Variants in GLI1 observed in about 807,000 individuals in gnomAD.
GLI1 encodes GLI family zinc finger 1.
GLI1 carries 51 observed loss-of-function variants against 87.8 expected under a neutral mutation model. That is an observed-to-expected ratio of 0.58 (90% CI 0.46 to 0.73). The LOEUF is 0.73. Among genes scored for constraint, GLI1 ranks in the 30% least tolerant of loss-of-function variants. The pLI, the probability that GLI1 is intolerant of heterozygous loss-of-function variation, is 0.00. For synonymous variants in GLI1, 528 were observed against 558.2 expected, an observed-to-expected ratio of 0.95 and a Z score of 0.76; for missense variants, 1,292 against 1,437.2, an observed-to-expected ratio of 0.90 and a Z score of 1.63.
intron 9 of GLI1, 54 bp from the exon 10 acceptor site, chr12:57,467,940 T>G (rs901577833): frequency 1.5e-6 from 2 of 1,298,824 alleles, no homozygotes; most frequent in Non-Finnish European, 2.2e-6. Flanking sequence ...CCATTTCTTC[T>G]GCATTCTTCC....
chr12:57,465,145 C>CGGTG lies in GLI1; in HGVS notation c.424_425insGGTG (p.Gln142ArgfsTer2), dbSNP rs1281162936. The CGGTG allele has an allele frequency of 6.2e-7, 1 of 1,613,986 alleles. No homozygotes were observed. Among genetic ancestry groups the CGGTG allele is most frequent in the Admixed American group, 1.7e-5 (1 of 60,000 alleles). Reference sequence around the variant, plus strand: ...GGGATTCCCAGCCCAGATGAATCACCAAAAAGGGCCCTCGCCTTCCTTTGG... The same window carrying CGGTG: ...GGGATTCCCAGCCCAGATGAATCACCGGTGAAAAAGGGCCCTCGCCTTCCTTTGG... On this transcript the variant is annotated stop_gained and frameshift_variant, in exon 5 of 12. Coordinates refer to ENST00000228682, the MANE Select transcript of GLI1 (RefSeq NM_005269.3). LOFTEE classifies it high-confidence loss of function.
intron 9 of GLI1, 40 bp downstream of exon 9, chr12:57,467,537 C>G: frequency 6.6e-7 from 1 of 1,518,726 alleles, no homozygotes; most frequent in Non-Finnish European, 9.0e-7. Context: ...TCTTGAGAAG[C>G]CACCTACCAG....
At position 57,471,295 on chromosome 12, in the gene GLI1, C is replaced by G; in HGVS notation, c.2555C>G (p.Pro852Arg). 1 of 1,579,276 alleles carries G rather than the reference C, an allele frequency of 6.3e-7. No homozygotes were observed. Among genetic ancestry groups the G allele is most frequent in the Non-Finnish European group, 8.6e-7 (1 of 1,164,034 alleles). ...PHPQPLFSHYPQPSPPQYLQS... is the reference protein window; with the variant it reads ...PHPQPLFSHYRQPSPPQYLQS... Reference sequence around the variant, plus strand: ...CCACAGCCTCTCTTTTCCCATTACCCCCAGCCCTCTCCTCCCCAATATCTC... The same window carrying G: ...CCACAGCCTCTCTTTTCCCATTACCGCCAGCCCTCTCCTCCCCAATATCTC... The change falls in exon 12 of 12, where the codon CCC becomes CGC. Residue 852 changes from proline (P) to arginine (R), a missense_variant. By Grantham distance (103) the Pro-to-Arg change is moderately radical. Transcript: ENST00000228682. This position sits in a 1 kb window ranked among gnomAD's most constrained non-coding sequence, Gnocchi z 4.9.
In GLI1 at chr12:57,468,073, T is replaced by C. The variant is rs1206103248; in HGVS notation, c.1157T>C (p.Val386Ala). 5.6e-6 allele frequency: 9 copies of C among 1,614,162 alleles called. No homozygotes were observed. Among genetic ancestry groups the C allele is most frequent in the African/African-American group, 1.3e-5 (1 of 75,054 alleles). The change falls in exon 10 of 12, where the codon GTG becomes GCG. Residue 386 changes from valine to alanine, a missense_variant. Transcript: ENST00000228682. ...TCGCTGCGAAAACATGTCAAGACAG[T>C]GCATGGTCCTGACGCCCATGTGACC... ...PSSLRKHVKT[V>A]HGPDAHVTKR...
In GLI1 at chr12:57,470,752, G is replaced by C; in HGVS notation, c.2012G>C (p.Gly671Ala). 2 of 1,613,182 alleles carry C rather than the reference G, an allele frequency of 1.2e-6. No individual in the cohort carries two copies. The highest frequency in any genetic ancestry group is 1.7e-4 in the Middle Eastern group (1 of 6,060). ...GCVHTPPTVAGGGQNFDPYLP... is the reference protein window; with the variant it reads ...GCVHTPPTVAAGGQNFDPYLP... ...GTCCATACCCCACCCACTGTGGCAGGGGGAGGACAGAACTTTGATCCTTAC... is the reference window on the plus strand; with the variant it reads ...GTCCATACCCCACCCACTGTGGCAGCGGGAGGACAGAACTTTGATCCTTAC... The change falls in exon 12 of 12, where the codon GGG becomes GCG. Residue 671 changes from glycine to alanine, a missense_variant. Physicochemically the swap from Gly to Ala is moderately conservative, Grantham distance 60. Transcript: ENST00000228682.
chr12:57,471,586 G>C lies in GLI1; in HGVS notation c.2846G>C (p.Gly949Ala), dbSNP rs1456515400. 1 of 1,613,840 alleles carries C rather than the reference G, an allele frequency of 6.2e-7. No homozygotes were observed. Reference protein sequence around the residue: ...SRAKAPVNTYGPGFGPNLPNH... With the variant: ...SRAKAPVNTYAPGFGPNLPNH... ...GCTAAAGCTCCAGTGAACACATATG[G>C]ACCTGGCTTTGGACCCAACTTGCCC... The change falls in exon 12 of 12, where the codon GGA becomes GCA. Residue 949 changes from glycine (G) to alanine (A), a missense_variant. This residue lies in a region of GLI1 where 897 missense variants were observed against 1,040.7 expected (regional missense o/e 0.86). Coordinates refer to ENST00000228682, the MANE Select transcript of GLI1 (RefSeq NM_005269.3). The surrounding 1 kb of genome is among the most constrained non-coding windows in gnomAD (Gnocchi z 4.9).
Position 57,470,828 on chromosome 12 carries a change from T to C in GLI1, c.2088T>C (p.Ala696=), listed in dbSNP as rs772346706. 2 of 1,609,552 alleles carry C rather than the reference T, an allele frequency of 1.2e-6. No homozygotes were observed. The highest frequency in any genetic ancestry group is 1.7e-6 in the Non-Finnish European group (2 of 1,177,662). Residue 696 remains alanine, a synonymous_variant, in exon 12 of 12, where the codon GCT becomes GCC. Coordinates refer to ENST00000228682, the MANE Select transcript of GLI1 (RefSeq NM_005269.3). Reference sequence around the variant, plus strand: ...AGCCCCCCAGCATCACTGAGAATGCTGCCATGGATGCTAGAGGGCTACAGG... The same window carrying C: ...AGCCCCCCAGCATCACTGAGAATGCCGCCATGGATGCTAGAGGGCTACAGG... The part of the protein sequence containing the change: ...SPQPPSITEN[A]AMDARGLQEE...
At chr12:57,461,829 G>T (rs1871159632) in intron 1 of GLI1, among the ~76,000 whole-genome samples, 1 of 152,208 alleles carries the variant, frequency 6.6e-6, no homozygotes, top group South Asian at 2.1e-4. Context: ...GCGGGGGTGC[G>T]AGGGGGACGC....
rs760011194 is a variant in GLI1 at position 57,472,028 on chromosome 12, T to C, written c.3288T>C (p.Pro1096=). 1.3e-6 allele frequency: 2 copies of C among 1,513,402 alleles called. No homozygotes were observed. The highest frequency in any genetic ancestry group is 1.8e-4 in the Middle Eastern group (1 of 5,642). The allele number at this position is 1,513,402 out of a possible 1,614,324, so 93.7% of individuals were successfully genotyped here. The change falls in exon 12 of 12, where the codon CCT becomes CCC. Residue 1096 remains proline (P), a synonymous_variant. Transcript: ENST00000228682. ...TGAGTGTCTTACTGAGATCCCTACC[T>C]GGGGAAACAGAATTCCTCAACTCTA... ...GNMSVLLRSL[P]GETEFLNSSA
Position 57,468,125 on chromosome 12 carries a change from G to C in GLI1, c.1209G>C (p.Leu403=), listed in dbSNP as rs1397648095. 6.2e-7 allele frequency: 1 copy of C among 1,614,040 alleles called. No homozygotes were observed. Among genetic ancestry groups the C allele is most frequent in the African/African-American group, 1.3e-5 (1 of 74,944 alleles). The part of the protein sequence containing the change: ...VTKRHRGDGP[L]PRAPSISTVE... The stretch of plus-strand genomic sequence containing the variant: ...AACGGCACCGTGGGGATGGCCCCCT[G>C]CCTCGGGCACCATCCATTTCTACAG... Residue 403 remains leucine (L), a synonymous_variant, in exon 10 of 12, where the codon CTG becomes CTC. Transcript: ENST00000228682.
chr12:57,464,616 G>T, intron 3 of GLI1, 57 bp from the exon 4 acceptor site: 1 of 1,274,124 alleles, frequency 7.8e-7, no homozygotes, highest in Non-Finnish European at 1.1e-6. Context: ...CCATAGGTTA[G>T]GTGCATGGAG....
rs889144124 is a variant in GLI1 at position 57,471,178 on chromosome 12, A to C, written c.2438A>C (p.Gln813Pro). 6.2e-7 allele frequency: 1 copy of C among 1,603,540 alleles called. No homozygotes were observed. The highest frequency in any genetic ancestry group is 1.7e-5 in the Admixed American group (1 of 58,506). Residue 813 changes from glutamine (Q) to proline (P), a missense_variant, in exon 12 of 12, where the codon CAA becomes CCA. This residue lies in a region of GLI1 where 897 missense variants were observed against 1,040.7 expected (regional missense o/e 0.86). Transcript: ENST00000228682. This position sits in a 1 kb window ranked among gnomAD's most constrained non-coding sequence, Gnocchi z 4.9. ...CPRLEHYGQV[Q>P]VKPEQGCPVG... is the part of the protein sequence containing the mutation. ...CGACTTGAACATTATGGACAAGTGC[A>C]AGTCAAGCCAGAACAGGGGTGCCCA... is the stretch of plus-strand genomic sequence containing the variant.
At chr12:57,469,789 C>G in intron 11 of GLI1, 91 bp downstream of exon 11, 1 of 1,148,044 alleles carries the variant, frequency 8.7e-7, no homozygotes, top group Non-Finnish European at 1.3e-6. Flanking sequence ...GGCTGTCACA[C>G]AGCACTTTTG....
intron 9 of GLI1, 93 bp from the exon 10 acceptor site, chr12:57,467,901 C>G: frequency 1.2e-6 from 1 of 838,762 alleles, no homozygotes; most frequent in Non-Finnish European, 2.0e-6. Flanking sequence ...GTGCTCCTCC[C>G]CTGCCCCCTG....
In GLI1 at chr12:57,469,530, A is replaced by T. The variant is rs1302817146; in HGVS notation, c.1408A>T (p.Asn470Tyr). 6 of 1,614,192 alleles carry T rather than the reference A, an allele frequency of 3.7e-6. No homozygotes were observed. Among genetic ancestry groups the T allele is most frequent in the Non-Finnish European group, 5.1e-6 (6 of 1,180,028 alleles). Residue 470 changes from asparagine to tyrosine, a missense_variant, in exon 11 of 12, where the codon AAT becomes TAT. This residue lies in a region of GLI1 where 897 missense variants were observed against 1,040.7 expected (regional missense o/e 0.86). Coordinates refer to ENST00000228682, the MANE Select transcript of GLI1 (RefSeq NM_005269.3). ...AGACAGTGGTGTGGAAATGACTGGC[A>T]ATGCAGGGGGCAGCACTGAAGACCT... ...NTDSGVEMTGNAGGSTEDLSS... is the reference protein window; with the variant it reads ...NTDSGVEMTGYAGGSTEDLSS...
chr12:57,465,228 G>A lies in GLI1; in HGVS notation c.507G>A (p.Gln169=), dbSNP rs1310655005. 1 of 1,613,200 alleles carries A rather than the reference G, an allele frequency of 6.2e-7. No homozygotes were observed. Among genetic ancestry groups the A allele is most frequent in the Non-Finnish European group, 8.5e-7 (1 of 1,179,788 alleles). Residue 169 remains glutamine, a synonymous_variant, in exon 5 of 12, where the codon CAG becomes CAA. Coordinates refer to ENST00000228682, the MANE Select transcript of GLI1 (RefSeq NM_005269.3). ...SARGGMIPHP[Q]SRGPFPTCQL... The stretch of plus-strand genomic sequence containing the variant: ...GGGGTGGGATGATCCCACATCCTCA[G>A]TCCCGGGGACCCTTCCCAACTTGCC...
At position 57,471,551 on chromosome 12, in the gene GLI1, C is replaced by T; in HGVS notation, c.2811C>T (p.Ser937=). ...AGTTTCTGGGGGGTTCCCAGGTTAG[C>T]CCAAGCCGTGCTAAAGCTCCAGTGA... ...SPKFLGGSQV[S]PSRAKAPVNT... The change falls in exon 12 of 12, where the codon AGC becomes AGT. Residue 937 remains serine (S), a synonymous_variant. Coordinates refer to ENST00000228682, the MANE Select transcript of GLI1 (RefSeq NM_005269.3). The surrounding 1 kb of genome is among the most constrained non-coding windows in gnomAD (Gnocchi z 4.9). 6.2e-7 allele frequency: 1 copy of T among 1,613,514 alleles called. No homozygotes were observed. Among genetic ancestry groups the T allele is most frequent in the Non-Finnish European group, 8.5e-7 (1 of 1,179,808 alleles).
chr12:57,468,091 A>C lies in GLI1; in HGVS notation c.1175A>C (p.His392Pro). 1 of 1,614,172 alleles carries C rather than the reference A, an allele frequency of 6.2e-7. No individual in the cohort carries two copies. Among genetic ancestry groups the C allele is most frequent in the Non-Finnish European group, 8.5e-7 (1 of 1,179,966 alleles). Residue 392 changes from histidine to proline, a missense_variant, in exon 10 of 12, where the codon CAT becomes CCT. His to Pro is a moderately conservative substitution (Grantham distance 77). This residue lies in a region of GLI1 where 897 missense variants were observed against 1,040.7 expected (regional missense o/e 0.86). Coordinates refer to ENST00000228682, the MANE Select transcript of GLI1 (RefSeq NM_005269.3). ...HVKTVHGPDA[H>P]VTKRHRGDGP... ...AAGACAGTGCATGGTCCTGACGCCC[A>C]TGTGACCAAACGGCACCGTGGGGAT...
In GLI1 at chr12:57,470,897, C is replaced by T. The variant is rs1871866092; in HGVS notation, c.2157C>T (p.Asn719=). 6.2e-7 allele frequency: 1 copy of T among 1,613,296 alleles called. No individual in the cohort carries two copies. Among genetic ancestry groups the T allele is most frequent in the Admixed American group, 1.7e-5 (1 of 59,972 alleles). ...VGTSMVGSGL[N]PYMDFPPTDT... is the part of the protein sequence containing the mutation. Reference sequence around the variant, plus strand: ...CCTCCATGGTGGGCAGTGGTCTGAACCCCTATATGGACTTCCCACCTACTG... The same window carrying T: ...CCTCCATGGTGGGCAGTGGTCTGAATCCCTATATGGACTTCCCACCTACTG... Residue 719 remains asparagine, a synonymous_variant, in exon 12 of 12, where the codon AAC becomes AAT. Coordinates refer to ENST00000228682, the MANE Select transcript of GLI1 (RefSeq NM_005269.3).
Sources: allele counts gnomAD v4.1 joint callset (sites outside exome capture counted in the v4.1 genomes callset), GRCh38; gene constraint gnomAD v4.1.1; regional missense constraint gnomAD v4.1.1; non-coding constraint Gnocchi (gnomAD v3.1); transcripts MANE v1.5; gene names NCBI Gene and HGNC (gene_info 2026-07-23, HGNC 2026-07-21).